TNFSF11: variants seen among roughly 807,000 people sequenced by gnomAD.
TNFSF11 encodes the protein tumor necrosis factor ligand superfamily member 11.
Under a neutral mutation model 32.2 loss-of-function variants are expected in TNFSF11, and 12 were observed. The observed-to-expected ratio is 0.37, with a 90% confidence interval of 0.24 to 0.60. The LOEUF (loss-of-function observed/expected upper bound fraction) is 0.60, where lower values mean the gene tolerates loss of function less well. Ranked by LOEUF, TNFSF11 falls within the 20% of genes least tolerant of loss-of-function variation. The pLI, the probability that TNFSF11 is intolerant of heterozygous loss-of-function variation, is 0.66. For missense variants in TNFSF11, 345 were observed against 398.0 expected, an observed-to-expected ratio of 0.87 and a Z score of 1.13; for synonymous variants, 172 against 152.1, an observed-to-expected ratio of 1.13 and a Z score of -0.96.
chr13:42,599,655 C>T (rs1955151478), intron 2 of TNFSF11, among the ~76,000 whole-genome samples: 3 of 152,098 alleles, frequency 2.0e-5, no homozygotes. Context: ...ACCTCCCCCG[C>T]AACCTCCCGG....
chr13:42,578,865 G>GT (rs1873450656), intron 1 of TNFSF11, among the ~76,000 whole-genome samples: 1 of 152,222 alleles, frequency 6.6e-6, no homozygotes, highest in Non-Finnish European at 1.5e-5. Flanking sequence ...ACTAATTGAT[G>GT]TTACTTGTGA....
chr13:42,583,435 A>G (rs1399282168), intron 2 of TNFSF11, among the ~76,000 whole-genome samples: 1 of 74,170 alleles, frequency 1.3e-5, no homozygotes. Context: ...AAAAAAAAAA[A>G]AAAGAAAGGA....
rs138593238 is a variant in TNFSF11 at position 42,566,994 on chromosome 13, A to AAAAT, written c.-160+260_-160+263dup. On this transcript the variant is annotated intron_variant, in intron 2 of 6. Coordinates refer to the TNFSF11 transcript ENST00000358545. ...GTGACAGAGAAGGACTCTGTCTCAA[A>AAAAT]AAATAAATAAATAAATAAATAAATA... Among the ~76,000 whole-genome samples the AAAAT allele has an allele frequency of 1.7e-3, 251 of 149,606 alleles. 3 individuals carry two copies. Among genetic ancestry groups the AAAAT allele is most frequent in the East Asian group, 0.013 (67 of 5,094 alleles).
intron 2 of TNFSF11, among the ~76,000 whole-genome samples, chr13:42,590,807 C>A (rs1242983200): frequency 6.6e-6 from 1 of 152,194 alleles, no homozygotes; most frequent in Non-Finnish European, 1.5e-5. Context: ...GTAGCAGAAG[C>A]TTTCTCATTT....
At chr13:42,592,039 G>A (rs984491048) in intron 2 of TNFSF11, among the ~76,000 whole-genome samples, 1 of 152,196 alleles carries the variant, frequency 6.6e-6, no homozygotes, top group African/African-American at 2.4e-5. Context: ...TTTCGGAGTG[G>A]TAACCAGACT....
chr13:42,583,301 G>C (rs1001798016), intron 2 of TNFSF11, among the ~76,000 whole-genome samples: 4 of 151,160 alleles, frequency 2.6e-5, no homozygotes, highest in Non-Finnish European at 5.9e-5. Context: ...AGTTCCAACT[G>C]CTCAGGAGAC....
chr13:42,573,213 G>A (rs1490766887), upstream of TNFSF11, among the ~76,000 whole-genome samples: 9 of 150,466 alleles, frequency 6.0e-5, no homozygotes, highest in Non-Finnish European at 5.9e-5. Flanking sequence ...ATCCACAGAT[G>A]TGGAACCCAT....
chr13:42,579,508 C>G (rs1873489104), intron 1 of TNFSF11, among the ~76,000 whole-genome samples: 1 of 151,930 alleles, frequency 6.6e-6, no homozygotes, highest in African/African-American at 2.4e-5. Flanking sequence ...GTCAGCAGGA[C>G]TCCAGCTTAA....
intron 2 of TNFSF11, among the ~76,000 whole-genome samples, chr13:42,597,548 G>C (rs1471664707): frequency 1.3e-5 from 2 of 152,120 alleles, no homozygotes; most frequent in Admixed American, 1.3e-4. Flanking sequence ...TGAGTCTGCT[G>C]CTTCTTTGGC....
At chr13:42,576,983 G>C (rs924898505) in intron 1 of TNFSF11, among the ~76,000 whole-genome samples, 2 of 152,156 alleles carry the variant, frequency 1.3e-5, no homozygotes, top group African/African-American at 4.8e-5. Flanking sequence ...CATTTGACTT[G>C]CCGCTGATTT....
chr13:42,601,936 G>A (rs1041993146), intron 4 of TNFSF11, among the ~76,000 whole-genome samples: 1 of 152,204 alleles, frequency 6.6e-6, no homozygotes, highest in East Asian at 1.9e-4. Flanking sequence ...ATGATGATAG[G>A]ATTAGAAGTA....
rs563256119 is a variant in TNFSF11 at position 42,598,670 on chromosome 13, C to T, written c.388-2082C>T. Among the ~76,000 whole-genome samples the T allele has an allele frequency of 1.1e-3, 169 of 152,284 alleles. 1 individual carries two copies. The highest frequency in any genetic ancestry group is 1.9e-3 in the Non-Finnish European group (127 of 68,018). ...GCAGTAGCATTTGAAGGATAAGGGG[C>T]CCAATGGCTGGGAAACTGCTGATGT... is the stretch of plus-strand genomic sequence containing the variant. On this transcript the variant is annotated intron_variant, in intron 2 of 4. Transcript: ENST00000398795.
chr13:42,577,044 A>T (rs1473236790), intron 1 of TNFSF11, among the ~76,000 whole-genome samples: 2 of 152,220 alleles, frequency 1.3e-5, no homozygotes, highest in Non-Finnish European at 2.9e-5. Context: ...GTACCAAATA[A>T]ATCAGTAGTT....
intron 1 of TNFSF11, among the ~76,000 whole-genome samples, chr13:42,578,766 AT>A (rs1228496705): frequency 1.3e-5 from 2 of 152,130 alleles, no homozygotes; most frequent in African/African-American, 4.8e-5. Flanking sequence ...GGGTGTGGGC[AT>A]TTTTTTAAGA....
upstream of TNFSF11, chr13:42,574,131 G>A (rs1336945245): frequency 8.7e-6 from 7 of 806,294 alleles, 1 homozygote; most frequent in South Asian, 8.5e-5. Context: ...GTTTATAAGA[G>A]TTGGGGCTGC....
At chr13:42,581,422 A>G in intron 2 of TNFSF11, 129 bp downstream of exon 2, 1 of 1,073,474 alleles carries the variant, frequency 9.3e-7, no homozygotes, top group African/African-American at 1.6e-5. Context: ...GCTACAGGGA[A>G]TGCTTTAAAG....
At chr13:42,593,719 G>T (rs1244384105) in intron 2 of TNFSF11, among the ~76,000 whole-genome samples, 1 of 152,206 alleles carries the variant, frequency 6.6e-6, no homozygotes, top group Non-Finnish European at 1.5e-5. Flanking sequence ...ATGTTAAAAT[G>T]AATGCATTAC....
rs973684316 is a variant in TNFSF11, at chr13:42,599,334, TATCTATCTATCTATC to T, written c.388-1402_388-1388del. 1.5e-3 allele frequency among the ~76,000 whole-genome samples: 193 copies of T among 131,002 alleles called. 1 individual carries two copies. Among genetic ancestry groups the T allele is most frequent in the Non-Finnish European group, 2.3e-3 (137 of 59,610 alleles). 85.9% of individuals were successfully genotyped at this position (131,002 alleles called of 152,430 possible). ...CTATCTATCTATCTATCTATCTATC[TATCTATCTATCTATC>T]ATCTATCTATCTATCTATCTATCTA... On this transcript the variant is annotated intron_variant, in intron 2 of 4. Transcript: ENST00000398795.
At chr13:42,589,890 C>T (rs1181524108) in intron 2 of TNFSF11, among the ~76,000 whole-genome samples, 1 of 152,194 alleles carries the variant, frequency 6.6e-6, no homozygotes, top group African/African-American at 2.4e-5. Context: ...CTTTGTATGC[C>T]ACTCCATGCC....
Sources: gnomAD v4.1 joint callset for allele counts (sites outside exome capture counted in the v4.1 genomes callset) on GRCh38, gnomAD v4.1.1 for gene constraint, MANE v1.5 for transcripts, NCBI Gene and HGNC (gene_info 2026-07-23, HGNC 2026-07-21) for gene names.